LRP1B: variants seen among roughly 807,000 people sequenced by gnomAD.
The protein encoded by LRP1B is LDL receptor related protein 1B.
Under a neutral mutation model 556.6 loss-of-function variants are expected in LRP1B, and 217 were observed. The ratio of observed to expected loss-of-function variants is 0.39; its 90% CI spans 0.35 to 0.44. LRP1B has a LOEUF of 0.44. Among genes scored for constraint, LRP1B ranks in the 20% least tolerant of loss-of-function variants. The pLI is 1.00. For synonymous variants in LRP1B, 2,047 were observed against 1,865.8 expected (o/e 1.10, Z -2.50); for missense variants, 5,053 against 5,620.8 (o/e 0.90, Z 3.23).
At chr2:140,237,740 CTTTAT>C (rs1396245172) in intron 89 of LRP1B, among the ~76,000 whole-genome samples, 1 of 150,706 alleles carries the variant, frequency 6.6e-6, no homozygotes, top group Non-Finnish European at 1.5e-5. Context: ...AGTAGCTTTA[CTTTAT>C]AATAGACCTT....
chr2:140,817,784 T>C (rs1025568384), intron 31 of LRP1B, among the ~76,000 whole-genome samples: 2 of 149,228 alleles, frequency 1.3e-5, no homozygotes, highest in Non-Finnish European at 1.5e-5. Context: ...GTTAAAAAAT[T>C]GCAAAAGTAT....
chr2:140,476,874 C>T (rs1687996675), intron 59 of LRP1B, among the ~76,000 whole-genome samples: 1 of 151,912 alleles, frequency 6.6e-6, no homozygotes, highest in South Asian at 2.1e-4. Context: ...CGGAATTCCT[C>T]CCTAGTGTTT....
chr2:141,561,276 C>G (rs943424432), intron 2 of LRP1B, among the ~76,000 whole-genome samples: 1 of 151,764 alleles, frequency 6.6e-6, no homozygotes, highest in African/African-American at 2.4e-5. Flanking sequence ...AATCTACTAA[C>G]ATTGAAATTA....
chr2:140,380,349 G>A (rs923280757), intron 67 of LRP1B, among the ~76,000 whole-genome samples: 3 of 152,120 alleles, frequency 2.0e-5, no homozygotes, highest in African/African-American at 7.2e-5. Context: ...GCCCTGGGAA[G>A]CCAAGTTACT....
chr2:141,860,431 A>G (rs181840260), intron 1 of LRP1B, among the ~76,000 whole-genome samples: 37 of 152,296 alleles, frequency 2.4e-4, no homozygotes, highest in Non-Finnish European at 4.6e-4. Flanking sequence ...GCTTTCTAGA[A>G]AGTCTGAATT....
intron 1 of LRP1B, among the ~76,000 whole-genome samples, chr2:142,057,791 C>T (rs978215885): frequency 1.3e-5 from 2 of 152,040 alleles, no homozygotes; most frequent in African/African-American, 4.8e-5. Flanking sequence ...TTTTTGTTTT[C>T]TCAGTCCTTT....
In LRP1B at chr2:140,501,669, C is replaced by A; in HGVS notation, c.8850+18G>T. 1 of 1,554,162 alleles carries A rather than the reference C, an allele frequency of 6.4e-7. No homozygotes were observed. Among genetic ancestry groups the A allele is most frequent in the Non-Finnish European group, 8.7e-7 (1 of 1,147,250 alleles). On this transcript the variant is annotated intron_variant, in intron 55 of 90. Coordinates refer to ENST00000389484, the MANE Select transcript of LRP1B (RefSeq NM_018557.3). ...TTCTAATGTATCGTATGATTTGCTA[C>A]TTTTGATGAGTACCTACCTTATAAC...
intron 3 of LRP1B, among the ~76,000 whole-genome samples, chr2:141,319,325 C>G (rs1480889397): frequency 1.6e-5 from 1 of 62,448 alleles, no homozygotes; most frequent in Non-Finnish European, 3.1e-5. Flanking sequence ...TTTTTTTTTT[C>G]CTACTCTTAC....
chr2:141,105,811 AT>A (rs1263642688), intron 7 of LRP1B, among the ~76,000 whole-genome samples: 1 of 152,102 alleles, frequency 6.6e-6, no homozygotes, highest in Non-Finnish European at 1.5e-5. Flanking sequence ...TTCAAAATGT[AT>A]TTTTTTGGTC....
intron 2 of LRP1B, among the ~76,000 whole-genome samples, chr2:141,524,247 AAAGCTAT>A (rs1684619329): frequency 7.1e-6 from 1 of 140,258 alleles, no homozygotes; most frequent in Non-Finnish European, 1.6e-5. Flanking sequence ...TCTGCCTGTG[AAAGCTAT>A]AAGCAAAGAA....
At chr2:141,004,100 T>C (rs1697501851) in intron 15 of LRP1B, among the ~76,000 whole-genome samples, 1 of 152,102 alleles carries the variant, frequency 6.6e-6, no homozygotes, top group Non-Finnish European at 1.5e-5. Flanking sequence ...TTATTACACT[T>C]ATCCCTCCTC....
rs78332715 is a variant in LRP1B at position 141,700,942 on chromosome 2, G to A, written c.205+109337C>T. On this transcript the variant is annotated intron_variant, in intron 2 of 90. Transcript: ENST00000389484. ...TCTGATGTCCCCATATTTATTAAGG[G>A]CATCAGCAGCTAGGTTTGAGATTTT... 4.5e-3 allele frequency among the ~76,000 whole-genome samples: 689 copies of A among 151,796 alleles called. 7 individuals carry two copies. The highest frequency in any genetic ancestry group is 0.016 in the African/African-American group (649 of 41,462).
intron 3 of LRP1B, among the ~76,000 whole-genome samples, chr2:141,455,527 G>C (rs933591898): frequency 1.3e-5 from 2 of 151,334 alleles, no homozygotes; most frequent in African/African-American, 2.4e-5. Flanking sequence ...TTTGGTTTTT[G>C]AGTGAAGCCA....
chr2:141,323,920 A>AG (rs1179086163), intron 3 of LRP1B, among the ~76,000 whole-genome samples: 1 of 61,712 alleles, frequency 1.6e-5, no homozygotes, highest in Non-Finnish European at 3.4e-5. Context: ...GAACGAGGAA[A>AG]CCACACACAC....
intron 3 of LRP1B, among the ~76,000 whole-genome samples, chr2:141,378,799 C>T (rs1689529522): frequency 1.3e-5 from 2 of 151,990 alleles, no homozygotes; most frequent in African/African-American, 4.8e-5. Flanking sequence ...AACTTTAAGG[C>T]CAGTTAACTG....
rs181308520 is a variant in LRP1B at position 141,663,576 on chromosome 2, C to G, written c.205+146703G>C. On this transcript the variant is annotated intron_variant, in intron 2 of 90. Transcript: ENST00000389484. ...CTATAAACACCTCTATGCACATCAA[C>G]TAGAAAATCTAGAAGAAATGGATAC... Among the ~76,000 whole-genome samples the G allele has an allele frequency of 2.8e-4, 42 of 152,262 alleles. No homozygotes were observed. In the East Asian group the frequency reaches 7.4e-3, roughly 27 times the overall value.
At chr2:141,873,711 G>A (rs1227139423) in intron 1 of LRP1B, among the ~76,000 whole-genome samples, 2 of 151,726 alleles carry the variant, frequency 1.3e-5, no homozygotes, top group East Asian at 1.9e-4. Context: ...CAGGTCTGGA[G>A]TAGAAAAAGT....
chr2:140,962,930 AGAG>A (rs1352130310), intron 18 of LRP1B, among the ~76,000 whole-genome samples: 1 of 152,228 alleles, frequency 6.6e-6, no homozygotes. Context: ...GCATCCAAGC[AGAG>A]GAGTCACTGT....
chr2:141,691,110 A>T (rs114635555), intron 2 of LRP1B, among the ~76,000 whole-genome samples: 2,380 of 151,978 alleles, frequency 0.016, 42 homozygotes, highest in Non-Finnish European at 0.02. Context: ...CAAGAAAGAG[A>T]GTGAGTTAGT....
Sources: allele counts gnomAD v4.1 joint callset (sites outside exome capture counted in the v4.1 genomes callset), GRCh38; gene constraint gnomAD v4.1.1; transcripts MANE v1.5; gene names NCBI Gene and HGNC (gene_info 2026-07-23, HGNC 2026-07-21).